Variants in CTNNA1 observed in about 807,000 individuals in gnomAD.
CTNNA1 encodes the protein catenin alpha 1, also known as catenin alpha-1.
CTNNA1 carries 37 observed loss-of-function variants against 98.4 expected under a neutral mutation model. That is an observed-to-expected ratio of 0.38 (90% CI 0.29 to 0.49). CTNNA1 has a LOEUF of 0.49. Ranked by LOEUF, CTNNA1 falls within the 20% of genes least tolerant of loss-of-function variation. The probability of loss-of-function intolerance (pLI) is 0.95; values close to 1 mark genes in which losing one functional copy is unlikely to be tolerated. For synonymous variants in CTNNA1, 404 were observed against 413.2 expected, an observed-to-expected ratio of 0.98 and a Z score of 0.27; for missense variants, 761 against 1,147.2, an observed-to-expected ratio of 0.66 and a Z score of 4.86.
Position 138,873,453 on chromosome 5 carries a change from T to A in CTNNA1, c.1063-12759T>A, listed in dbSNP as rs1750899084. Reference sequence around the variant, plus strand: ...GTTGGATCTCTATAAGTTGTAGCCATGACAGTGACAGTGGTTGACAAATTC... The same window carrying A: ...GTTGGATCTCTATAAGTTGTAGCCAAGACAGTGACAGTGGTTGACAAATTC... On this transcript the variant is annotated intron_variant, in intron 7 of 17. Transcript: ENST00000302763. The surrounding 1 kb of genome is among the most constrained non-coding windows in gnomAD (Gnocchi z 6.1). The A allele has an allele frequency of 6.2e-7, 1 of 1,613,926 alleles. No individual in the cohort carries two copies. Among genetic ancestry groups the A allele is most frequent in the Admixed American group, 1.7e-5 (1 of 60,008 alleles).
chr5:138,919,856 C>T (rs1013378222), intron 11 of CTNNA1, among the ~76,000 whole-genome samples: 4 of 152,036 alleles, frequency 2.6e-5, no homozygotes, highest in East Asian at 1.9e-4. Context: ...ATGTAATATG[C>T]GGAGACAAGC....
At chr5:138,859,497 G>A (rs991760106) in intron 7 of CTNNA1, among the ~76,000 whole-genome samples, 1 of 152,272 alleles carries the variant, frequency 6.6e-6, no homozygotes, top group Non-Finnish European at 1.5e-5. Context: ...CTACTTGGAC[G>A]ACTAATAAAC....
In CTNNA1 at chr5:138,873,915, G is replaced by A. The variant is rs1310013842; in HGVS notation, c.1063-12297G>A. On this transcript the variant is annotated intron_variant, in intron 7 of 17. Coordinates refer to ENST00000302763, the MANE Select transcript of CTNNA1 (RefSeq NM_001903.5). The surrounding 1 kb of genome is among the most constrained non-coding windows in gnomAD (Gnocchi z 6.1). ...TGAGCAAAATTAATCTTCGTCAGCT[G>A]GTTGTGCTCTAGGTGAAGCTCTCTC... 1 of 1,613,872 alleles carries A rather than the reference G, an allele frequency of 6.2e-7. No individual in the cohort carries two copies. Among genetic ancestry groups the A allele is most frequent in the African/African-American group, 1.3e-5 (1 of 74,910 alleles).
chr5:138,797,921 TA>T (rs1757147860), intron 3 of CTNNA1, among the ~76,000 whole-genome samples: 1 of 151,702 alleles, frequency 6.6e-6, no homozygotes, highest in Admixed American at 6.6e-5. Flanking sequence ...TGGAAAAACG[TA>T]AGGCACAGCA....
At position 138,753,467 on chromosome 5, in the gene CTNNA1, T is replaced by G. The variant is rs1357739932; in HGVS notation, c.-46T>G. 1 of 377,324 alleles carries G rather than the reference T, an allele frequency of 2.7e-6. No individual in the cohort carries two copies. The highest frequency in any genetic ancestry group is 4.7e-6 in the Non-Finnish European group (1 of 212,364). The allele number at this position is 377,324 out of a possible 1,614,324, so 23.4% of individuals were successfully genotyped here. A position where few individuals can be genotyped will look rare whatever the true frequency, so the allele number is the denominator to read the frequency against. On this transcript the variant is annotated 5_prime_UTR_variant, in exon 1 of 18. Transcript: ENST00000302763. Reference sequence around the variant, plus strand: ...GGAGGGAGACAAAGCAGCGCCCGTCTGCTTCGGGCCTCTGGAATTTAGCGC... The same window carrying G: ...GGAGGGAGACAAAGCAGCGCCCGTCGGCTTCGGGCCTCTGGAATTTAGCGC...
intron 1 of CTNNA1, 31 bp downstream of exon 1, chr5:138,753,541 G>A: frequency 2.7e-6 from 1 of 375,162 alleles, no homozygotes; most frequent in Non-Finnish European, 4.7e-6. Flanking sequence ...TCGCGGGCGC[G>A]GTCTCTCGGG....
intron 4 of CTNNA1, 144 bp from the exon 5 acceptor site, chr5:138,812,039 T>C: frequency 1.5e-6 from 1 of 651,572 alleles, no homozygotes; most frequent in East Asian, 2.7e-5. Flanking sequence ...GTTTAAATGT[T>C]AGAAGACCAT....
Position 138,807,363 on chromosome 5 carries a change from A to G in CTNNA1, c.302-2675A>G, listed in dbSNP as rs560635505. Among the ~76,000 whole-genome samples the G allele has an allele frequency of 9.3e-5, 14 of 150,888 alleles. No individual in the cohort carries two copies. In the South Asian group the frequency reaches 1.1e-3, roughly 11 times the overall value. On this transcript the variant is annotated intron_variant, in intron 3 of 17. Transcript: ENST00000302763. The stretch of plus-strand genomic sequence containing the variant: ...TCTGCTTGAGGTGGTAACTCCCTTA[A>G]CTCTGCTGCCCACATCCTTCCTCTC...
intron 9 of CTNNA1, 60 bp from the exon 10 acceptor site, chr5:138,904,288 GT>G: frequency 6.5e-7 from 1 of 1,550,342 alleles, no homozygotes; most frequent in Non-Finnish European, 8.7e-7. Flanking sequence ...GGCCAGGTGT[GT>G]GTTTTTTCCT....
chr5:138,765,683 G>T (rs1752849807), intron 1 of CTNNA1, among the ~76,000 whole-genome samples: 1 of 152,054 alleles, frequency 6.6e-6, no homozygotes, highest in Non-Finnish European at 1.5e-5. Context: ...GGGCGAGGTG[G>T]CTCATGCCTG....
At chr5:138,765,560 G>A (rs1232901165) in intron 1 of CTNNA1, among the ~76,000 whole-genome samples, 3 of 152,192 alleles carry the variant, frequency 2.0e-5, no homozygotes, top group African/African-American at 7.2e-5. Context: ...GCAAAGCAGT[G>A]TGCTGTGTGC....
chr5:138,835,308 G>A (rs558177962), intron 7 of CTNNA1, among the ~76,000 whole-genome samples: 13 of 152,294 alleles, frequency 8.5e-5, no homozygotes, highest in South Asian at 8.3e-4. Context: ...TAGACTGGTG[G>A]TACTTGAGTG....
chr5:138,768,558 G>GT (rs36038829), intron 1 of CTNNA1, among the ~76,000 whole-genome samples: 1,760 of 67,260 alleles, frequency 0.026, 59 homozygotes, highest in African/African-American at 0.038. Context: ...AACGGTGTCT[G>GT]TTTTTTTTTT....
chr5:138,860,743 C>A (rs1043900125), intron 7 of CTNNA1, among the ~76,000 whole-genome samples: 1 of 152,042 alleles, frequency 6.6e-6, no homozygotes, highest in Non-Finnish European at 1.5e-5. Flanking sequence ...GATCCACCCT[C>A]CTAGGCCTCC....
rs370458185 is a variant in CTNNA1, at chr5:138,875,072, T to C, written c.1063-11140T>C. 5.2e-5 allele frequency: 33 copies of C among 635,808 alleles called. No individual in the cohort carries two copies. The African/African-American group carries it at 5.9e-4, about 11-fold the overall frequency. 39.4% of individuals were successfully genotyped at this position (635,808 alleles called of 1,614,324 possible). ...GAATCCACCAGGACGAGTTGTTTTT[T>C]CCTTAGGATATCCCTCTGGAAAGCA... On this transcript the variant is annotated intron_variant, in intron 7 of 17. Coordinates refer to ENST00000302763, the MANE Select transcript of CTNNA1 (RefSeq NM_001903.5).
rs1188355804 is a variant in CTNNA1 at position 138,925,463 on chromosome 5, T to C, written c.1899+56T>C. On this transcript the variant is annotated intron_variant, in intron 13 of 17. Coordinates refer to ENST00000302763, the MANE Select transcript of CTNNA1 (RefSeq NM_001903.5). ...GCTTCTTTCTTATCATTTGCTAAAC[T>C]TGAGCAATGCGTCATTCTAGAACTC... The C allele has an allele frequency of 1.9e-6, 3 of 1,588,360 alleles. No individual in the cohort carries two copies. In the African/African-American group the frequency reaches 4.0e-5, roughly 21 times the overall value.
chr5:138,926,067 C>T (rs1384886573), intron 13 of CTNNA1, among the ~76,000 whole-genome samples: 1 of 152,202 alleles, frequency 6.6e-6, no homozygotes, highest in Non-Finnish European at 1.5e-5. Context: ...TCTTGTCCTC[C>T]TCCACCTCAA....
At chr5:138,852,344 G>A (rs184612129) in intron 7 of CTNNA1, among the ~76,000 whole-genome samples, 2 of 151,238 alleles carry the variant, frequency 1.3e-5, no homozygotes, top group African/African-American at 2.4e-5. Context: ...CTCACCTCGA[G>A]GTACTTCCTT....
chr5:138,832,105 C>T (rs1427080507), intron 7 of CTNNA1, among the ~76,000 whole-genome samples: 1 of 152,100 alleles, frequency 6.6e-6, no homozygotes, highest in Non-Finnish European at 1.5e-5. Flanking sequence ...TATCTTAGAG[C>T]AGAGTTAAAT....
Sources: gnomAD v4.1 joint callset for allele counts (sites outside exome capture counted in the v4.1 genomes callset) on GRCh38, gnomAD v4.1.1 for gene constraint, Gnocchi (gnomAD v3.1) non-coding constraint, MANE v1.5 for transcripts, NCBI Gene and HGNC (gene_info 2026-07-23, HGNC 2026-07-21) for gene names.